PPP3CC: variants seen among roughly 807,000 people sequenced by gnomAD.
PPP3CC encodes protein phosphatase 3 catalytic subunit gamma, also known as serine/threonine-protein phosphatase 2B catalytic subunit gamma isoform.
In PPP3CC, 35 loss-of-function variants were observed where a neutral mutation model predicts 60.3. That is an observed-to-expected ratio of 0.58 (90% CI 0.44 to 0.77). PPP3CC has a LOEUF of 0.77. PPP3CC is among the 30% of genes least tolerant of loss of function. The probability of loss-of-function intolerance (pLI) is 0.00; values close to 1 mark genes in which losing one functional copy is unlikely to be tolerated. For synonymous variants in PPP3CC, 206 were observed against 224.3 expected, an observed-to-expected ratio of 0.92 and a Z score of 0.73; for missense variants, 570 against 628.9, an observed-to-expected ratio of 0.91 and a Z score of 1.00.
intron 4 of PPP3CC, among the ~76,000 whole-genome samples, chr8:22,498,439 A>G (rs1196585235): frequency 5.3e-5 from 8 of 152,190 alleles, no homozygotes; most frequent in African/African-American, 1.9e-4. Context: ...GCAAGATTCC[A>G]TCTCAAAAAA....
chr8:22,519,869 T>C (rs1210558607), intron 6 of PPP3CC, among the ~76,000 whole-genome samples: 1 of 152,152 alleles, frequency 6.6e-6, no homozygotes, highest in Non-Finnish European at 1.5e-5. Context: ...TTGGCCAGGC[T>C]GGTCTCTAAC....
At chr8:22,468,905 T>G (rs1277535049) in intron 1 of PPP3CC, among the ~76,000 whole-genome samples, 1 of 152,216 alleles carries the variant, frequency 6.6e-6, no homozygotes, top group African/African-American at 2.4e-5. Context: ...CTGGGCAGGC[T>G]TGTGACTGTT....
intron 1 of PPP3CC, among the ~76,000 whole-genome samples, chr8:22,446,328 A>G (rs1836820667): frequency 6.6e-6 from 1 of 151,964 alleles, no homozygotes; most frequent in East Asian, 1.9e-4. Flanking sequence ...ACTTGTAACC[A>G]TTATTCTGGC....
chr8:22,521,378 T>C (rs936131244), intron 6 of PPP3CC, among the ~76,000 whole-genome samples: 3 of 152,148 alleles, frequency 2.0e-5, no homozygotes, highest in Admixed American at 2.0e-4. Context: ...TGGATGAGGC[T>C]GGTGGTAGGA....
intron 1 of PPP3CC, among the ~76,000 whole-genome samples, chr8:22,447,740 T>C (rs1472466729): frequency 6.6e-6 from 1 of 152,258 alleles, no homozygotes; most frequent in African/African-American, 2.4e-5. Flanking sequence ...GTTATCCAGA[T>C]GAATGTAGAG....
chr8:22,442,475 G>A (rs1359080872), intron 1 of PPP3CC, among the ~76,000 whole-genome samples: 1 of 152,170 alleles, frequency 6.6e-6, no homozygotes, highest in Non-Finnish European at 1.5e-5. Flanking sequence ...CTTATTGCAT[G>A]TTCAGGGAGG....
chr8:22,521,871 C>T (rs1191444652), intron 6 of PPP3CC, among the ~76,000 whole-genome samples: 4 of 150,976 alleles, frequency 2.6e-5, no homozygotes, highest in African/African-American at 7.3e-5. Context: ...AAAATATTTA[C>T]ATCTGCTCCT....
At chr8:22,481,974 GA>G (rs1838083637) in intron 3 of PPP3CC, among the ~76,000 whole-genome samples, 1 of 152,124 alleles carries the variant, frequency 6.6e-6, no homozygotes, top group Admixed American at 6.6e-5. Flanking sequence ...TTACTATTGT[GA>G]ATAGTGCTGC....
intron 1 of PPP3CC, among the ~76,000 whole-genome samples, chr8:22,460,600 G>A (rs775422389): frequency 3.3e-5 from 5 of 151,962 alleles, no homozygotes; most frequent in Non-Finnish European, 7.4e-5. Flanking sequence ...TGGGAGAACT[G>A]CTTGAAGCCA....
At chr8:22,455,055 C>CAAAAAA (rs5890035) in intron 1 of PPP3CC, among the ~76,000 whole-genome samples, 2 of 91,324 alleles carry the variant, frequency 2.2e-5, no homozygotes, top group African/African-American at 7.8e-5. Context: ...GACTCCATCT[C>CAAAAAA]AAAAAAAAAA....
At chr8:22,526,387 T>C (rs549465017) in intron 8 of PPP3CC, among the ~76,000 whole-genome samples, 1 of 152,314 alleles carries the variant, frequency 6.6e-6, no homozygotes, top group East Asian at 1.9e-4. Context: ...TATGACATAT[T>C]TACCTAAACT....
In PPP3CC at chr8:22,462,085, A is replaced by T. The variant is rs544197534; in HGVS notation, c.50-12869A>T. On this transcript the variant is annotated intron_variant, in intron 1 of 13. Coordinates refer to ENST00000240139, the MANE Select transcript of PPP3CC (RefSeq NM_005605.5). ...CCTCAGTCTTTAAAAAAATTTTTTT[A>T]AAATTAAAATTAACTGAGTGTGGTG... is the stretch of plus-strand genomic sequence containing the variant. Among the ~76,000 whole-genome samples, 36 of 152,206 alleles carry T rather than the reference A, an allele frequency of 2.4e-4. 1 individual carries two copies. Among genetic ancestry groups the T allele is most frequent in the East Asian group, 1.4e-3 (7 of 5,182 alleles).
At chr8:22,536,586 A>G (rs879801062) in intron 12 of PPP3CC, among the ~76,000 whole-genome samples, 4 of 152,232 alleles carry the variant, frequency 2.6e-5, no homozygotes, top group African/African-American at 4.8e-5. Context: ...AGATAGGACC[A>G]TTGATTGATA....
chr8:22,441,280 T>C lies in PPP3CC; in HGVS notation c.-130T>C. The C allele has an allele frequency of 5.7e-6, 5 of 871,336 alleles. No individual in the cohort carries two copies. The South Asian group carries it at 1.0e-4, about 18-fold the overall frequency. The allele number at this position is 871,336 out of a possible 1,614,324, so 54.0% of individuals were successfully genotyped here. A position where few individuals can be genotyped will look rare whatever the true frequency, so the allele number is the denominator to read the frequency against. On this transcript the variant is annotated 5_prime_UTR_variant, in exon 1 of 14. Transcript: ENST00000240139. ...CGCCCTTCTGGTGCTCGGACACCGC[T>C]GAGGAGCCGGGGCCGGGCACGGCTG...
Position 22,446,385 on chromosome 8 carries a change from TAAAGTGAAAAAAACAAGGGACTCTGAGAG to T in PPP3CC, c.49+4931_49+4959del, listed in dbSNP as rs1228410442. Among the ~76,000 whole-genome samples the T allele has an allele frequency of 4.8e-4, 73 of 152,184 alleles. 1 individual carries two copies. The highest frequency in any genetic ancestry group is 1.7e-3 in the African/African-American group (71 of 41,528). Reference sequence around the variant, plus strand: ...GTAACATACTAATCACATCTTACTGTAAAGTGAAAAAAACAAGGGACTCTGAGAGAAAAATGCTAAGGACTCATTACTTA... The same window carrying T: ...GTAACATACTAATCACATCTTACTGTAAAAATGCTAAGGACTCATTACTTA... On this transcript the variant is annotated intron_variant, in intron 1 of 13. Transcript: ENST00000240139.
chr8:22,525,251 C>G (rs1348565744), intron 8 of PPP3CC, among the ~76,000 whole-genome samples: 1 of 152,036 alleles, frequency 6.6e-6, no homozygotes, highest in African/African-American at 2.4e-5. Context: ...GTCTTATTTT[C>G]ATTGGTTGTT....
chr8:22,511,403 C>G (rs944046083), intron 5 of PPP3CC, among the ~76,000 whole-genome samples, 172 bp downstream of exon 5: 1 of 152,098 alleles, frequency 6.6e-6, no homozygotes, highest in African/African-American at 2.4e-5. Context: ...TCCCGAGTAG[C>G]TGGATACAGG....
At chr8:22,498,754 T>G (rs1023046983) in intron 4 of PPP3CC, among the ~76,000 whole-genome samples, 2 of 152,250 alleles carry the variant, frequency 1.3e-5, no homozygotes, top group African/African-American at 4.8e-5. Flanking sequence ...GTAGCCAATT[T>G]AGTAACAATC....
intron 3 of PPP3CC, among the ~76,000 whole-genome samples, chr8:22,488,401 T>C (rs527650605): frequency 2.3e-3 from 350 of 152,366 alleles, no homozygotes; most frequent in Non-Finnish European, 3.7e-3. Context: ...TTTCAGAACC[T>C]ATGCTTTAGA....
Sources: allele counts gnomAD v4.1 joint callset (sites outside exome capture counted in the v4.1 genomes callset), GRCh38; gene constraint gnomAD v4.1.1; transcripts MANE v1.5; gene names NCBI Gene and HGNC (gene_info 2026-07-23, HGNC 2026-07-21).